The following OTOGL variants were observed in gnomAD, a reference collection of about 807,000 sequenced individuals.
OTOGL encodes otogelin like, also known as otogelin-like protein.
OTOGL carries 285 observed loss-of-function variants against 318.5 expected under a neutral mutation model. That is an observed-to-expected ratio of 0.89 (90% CI 0.81 to 0.99). The LOEUF (loss-of-function observed/expected upper bound fraction) is 0.99, where lower values mean the gene tolerates loss of function less well. OTOGL is among the 50% of genes least tolerant of loss of function. The pLI, the probability that OTOGL is intolerant of heterozygous loss-of-function variation, is 0.00. For synonymous variants in OTOGL, 987 were observed against 936.5 expected (o/e 1.05, Z -0.99); for missense variants, 2,899 against 2,845.6 (o/e 1.02, Z -0.43).
chr12:80,104,531 A>G (rs1447512767), intron 1 of OTOGL, among the ~76,000 whole-genome samples: 1 of 152,050 alleles, frequency 6.6e-6, no homozygotes, highest in Non-Finnish European at 1.5e-5. Flanking sequence ...TACACTTAAT[A>G]ATTGAGTGGA....
At chr12:80,260,954 G>T (rs188762685) in intron 18 of OTOGL, among the ~76,000 whole-genome samples, 1 of 152,100 alleles carries the variant, frequency 6.6e-6, no homozygotes, top group Non-Finnish European at 1.5e-5. Context: ...ATGAGATTTT[G>T]TACTAGGGTG....
chr12:80,233,699 G>A (rs1226377956), intron 9 of OTOGL, among the ~76,000 whole-genome samples: 1 of 152,174 alleles, frequency 6.6e-6, no homozygotes, highest in Non-Finnish European at 1.5e-5. Flanking sequence ...ATACTAGTGT[G>A]CAATGGTGAT....
chr12:80,128,761 C>T (rs540215468), intron 1 of OTOGL, among the ~76,000 whole-genome samples: 73 of 152,294 alleles, frequency 4.8e-4, no homozygotes, highest in African/African-American at 1.4e-3. Flanking sequence ...CCCCCAGCCT[C>T]GCTGCCGCCT....
intron 1 of OTOGL, among the ~76,000 whole-genome samples, chr12:80,141,156 C>T (rs148007040): frequency 2.0e-5 from 3 of 152,046 alleles, no homozygotes; most frequent in East Asian, 1.9e-4. Flanking sequence ...TCACATTCCC[C>T]GAGTTCTTAA....
intron 4 of OTOGL, among the ~76,000 whole-genome samples, chr12:80,214,773 G>C (rs1877554846): frequency 6.6e-6 from 1 of 152,140 alleles, no homozygotes; most frequent in South Asian, 2.1e-4. Context: ...TTATGAAGAA[G>C]TCATTTCTGT....
intron 1 of OTOGL, among the ~76,000 whole-genome samples, chr12:80,190,594 T>C (rs1270575478): frequency 6.6e-6 from 1 of 151,810 alleles, no homozygotes; most frequent in African/African-American, 2.4e-5. Flanking sequence ...GAGACCATCC[T>C]GGCTAACACG....
At chr12:80,322,484 CG>C (rs1887403951) in intron 34 of OTOGL, among the ~76,000 whole-genome samples, 2 of 152,134 alleles carry the variant, frequency 1.3e-5, no homozygotes, top group African/African-American at 4.8e-5. Flanking sequence ...ATGCGTGAGA[CG>C]AGTAACTCAA....
At chr12:80,355,229 C>CTTTT (rs869285817) in intron 46 of OTOGL, among the ~76,000 whole-genome samples, 1 of 50,022 alleles carries the variant, frequency 2.0e-5, no homozygotes, top group African/African-American at 4.2e-5. Flanking sequence ...TCTTTCTTTT[C>CTTTT]TTTTTTTTTT....
At chr12:80,271,133 G>A (rs1455432861) in intron 23 of OTOGL, among the ~76,000 whole-genome samples, 1 of 152,202 alleles carries the variant, frequency 6.6e-6, no homozygotes, top group South Asian at 2.1e-4. Context: ...GCCCCCATTT[G>A]ATTCAATGAA....
chr12:80,350,884 G>T (rs923871790), intron 44 of OTOGL, among the ~76,000 whole-genome samples: 2 of 151,978 alleles, frequency 1.3e-5, no homozygotes, highest in East Asian at 3.9e-4. Context: ...TGTTTACTTT[G>T]CTGTGCAGAA....
At chr12:80,277,757 T>C (rs1188149106) in intron 24 of OTOGL, among the ~76,000 whole-genome samples, 1 of 151,554 alleles carries the variant, frequency 6.6e-6, no homozygotes, top group Non-Finnish European at 1.5e-5. Flanking sequence ...AACAAAAATG[T>C]TAACCATTTA....
At chr12:80,202,579 G>T (rs562726586) in intron 1 of OTOGL, among the ~76,000 whole-genome samples, 2 of 152,170 alleles carry the variant, frequency 1.3e-5, no homozygotes, top group South Asian at 4.2e-4. Context: ...AGCCTGTCTG[G>T]TATCTTTCAA....
At chr12:80,170,132 G>A (rs897782422) in intron 1 of OTOGL, among the ~76,000 whole-genome samples, 1 of 150,754 alleles carries the variant, frequency 6.6e-6, no homozygotes, top group African/African-American at 2.4e-5. Context: ...GGAATGTATG[G>A]GTATTCCAGT....
At chr12:80,260,306 C>T (rs189750270) in intron 18 of OTOGL, among the ~76,000 whole-genome samples, 1 of 152,202 alleles carries the variant, frequency 6.6e-6, no homozygotes, top group Non-Finnish European at 1.5e-5. Context: ...TTGATATCTT[C>T]ACCACACTTG....
chr12:80,178,061 C>CTTTTTTT (rs71094968), intron 1 of OTOGL, among the ~76,000 whole-genome samples: 178 of 74,846 alleles, frequency 2.4e-3, no homozygotes, highest in East Asian at 3.1e-3. Flanking sequence ...TTCTTTCTTT[C>CTTTTTTT]TTTTTTTTTT....
At chr12:80,170,122 G>A (rs918704616) in intron 1 of OTOGL, among the ~76,000 whole-genome samples, 1 of 151,864 alleles carries the variant, frequency 6.6e-6, no homozygotes, top group African/African-American at 2.4e-5. Flanking sequence ...ATTTCCAACA[G>A]GAATGTATGG....
intron 38 of OTOGL, 90 bp from the exon 39 acceptor site, chr12:80,335,873 C>T (rs1888358701): frequency 5.8e-6 from 7 of 1,197,832 alleles, no homozygotes; most frequent in Middle Eastern, 5.5e-4. Flanking sequence ...AATAAATGTA[C>T]ACCATGGGCA....
At chr12:80,199,637 T>C (rs1207045772) in intron 1 of OTOGL, among the ~76,000 whole-genome samples, 3 of 152,218 alleles carry the variant, frequency 2.0e-5, no homozygotes, top group Non-Finnish European at 4.4e-5. Context: ...AATAAATATC[T>C]CAGAACTTAT....
intron 57 of OTOGL, among the ~76,000 whole-genome samples, chr12:80,376,464 A>C (rs1363846591): frequency 6.6e-6 from 1 of 152,158 alleles, no homozygotes; most frequent in Non-Finnish European, 1.5e-5. Flanking sequence ...TTAAATATAG[A>C]TGCTTGCATG....
Sources: gnomAD v4.1 joint callset for allele counts (sites outside exome capture counted in the v4.1 genomes callset) on GRCh38, gnomAD v4.1.1 for gene constraint, MANE v1.5 for transcripts, NCBI Gene and HGNC (gene_info 2026-07-23, HGNC 2026-07-21) for gene names.